The following PRKAR1B variants were observed in gnomAD, a reference collection of about 807,000 sequenced individuals.
PRKAR1B encodes the protein protein kinase cAMP-dependent type I regulatory subunit beta.
PRKAR1B carries 22 observed loss-of-function variants against 46.5 expected under a neutral mutation model. The ratio of observed to expected loss-of-function variants is 0.47; its 90% CI spans 0.34 to 0.68. The LOEUF is 0.68. Ranked by LOEUF, PRKAR1B falls within the 30% of genes least tolerant of loss-of-function variation. PRKAR1B has a pLI of 0.01. For missense variants in PRKAR1B, 445 were observed against 535.6 expected, an observed-to-expected ratio of 0.83 and a Z score of 1.67; for synonymous variants, 259 against 217.7, an observed-to-expected ratio of 1.19 and a Z score of -1.67.
At chr7:551,356 C>A (rs1023139508) in intron 10 of PRKAR1B, 33 bp downstream of exon 10, 2 of 1,544,394 alleles carry the variant, frequency 1.3e-6, no homozygotes, top group African/African-American at 1.4e-5. Flanking sequence ...ATGGCCACAG[C>A]CGTGCGAGGG....
chr7:600,053 G>C (rs1375734577), intron 6 of PRKAR1B, among the ~76,000 whole-genome samples: 1 of 152,262 alleles, frequency 6.6e-6, no homozygotes, highest in Non-Finnish European at 1.5e-5. Flanking sequence ...GGAGGCGCAT[G>C]GGCAGGGAGT....
chr7:695,615 A>G (rs1779687702), intron 2 of PRKAR1B, among the ~76,000 whole-genome samples: 1 of 152,138 alleles, frequency 6.6e-6, no homozygotes, highest in African/African-American at 2.4e-5. Flanking sequence ...GTGACCAAAT[A>G]AAGTGCCTCA....
At chr7:695,957 C>T (rs1458093324) in intron 2 of PRKAR1B, among the ~76,000 whole-genome samples, 2 of 149,638 alleles carry the variant, frequency 1.3e-5, no homozygotes, top group East Asian at 2.0e-4. Context: ...AGCCACTGCG[C>T]CCAACCCTTT....
At chr7:697,071 CT>C (rs1434822057) in intron 2 of PRKAR1B, 1 of 152,246 alleles carries the variant, frequency 6.6e-6, no homozygotes, top group African/African-American at 2.4e-5. Context: ...CCGGGACAGG[CT>C]TTCCAGGCCA....
At chr7:581,257 A>C (rs1233994479) in intron 8 of PRKAR1B, among the ~76,000 whole-genome samples, 2 of 150,152 alleles carry the variant, frequency 1.3e-5, no homozygotes, top group Non-Finnish European at 3.0e-5. Context: ...GAGCCGAGAT[A>C]GCACCACTGA....
Position 685,296 on chromosome 7 carries a change from A to G in PRKAR1B, c.178-4570T>C, listed in dbSNP as rs62432181. On this transcript the variant is annotated intron_variant, in intron 2 of 10. Coordinates refer to ENST00000537384, the MANE Select transcript of PRKAR1B (RefSeq NM_001164760.2). ...TATATATACGTATATATATGTATAC[A>G]TATATATATACGTATATATACGTAT... Among the ~76,000 whole-genome samples, 21 of 6,374 alleles carry G rather than the reference A, an allele frequency of 3.3e-3. 1 individual carries two copies. Among genetic ancestry groups the G allele is most frequent in the African/African-American group, 0.018 (12 of 660 alleles). The allele number at this position is 6,374 out of a possible 152,430, so 4.2% of individuals were successfully genotyped here.
intron 6 of PRKAR1B, among the ~76,000 whole-genome samples, chr7:604,102 A>G (rs1384763831): frequency 7.2e-5 from 11 of 152,130 alleles, no homozygotes; most frequent in Admixed American, 7.2e-4. Flanking sequence ...CTGGGGGCTG[A>G]GCCCCATTCC....
chr7:688,192 G>A (rs913109464), intron 2 of PRKAR1B, among the ~76,000 whole-genome samples: 2 of 151,622 alleles, frequency 1.3e-5, no homozygotes, highest in African/African-American at 4.9e-5. Flanking sequence ...CCTGAGGTCA[G>A]GAGTTCGAGA....
intron 4 of PRKAR1B, among the ~76,000 whole-genome samples, chr7:660,278 G>A (rs1185380396): frequency 6.6e-6 from 1 of 151,960 alleles, no homozygotes; most frequent in East Asian, 1.9e-4. Flanking sequence ...GTCTACCATA[G>A]CTCAATGGGG....
At chr7:660,531 C>G (rs1196664914) in intron 4 of PRKAR1B, among the ~76,000 whole-genome samples, 4 of 107,318 alleles carry the variant, frequency 3.7e-5, no homozygotes, top group Non-Finnish European at 3.9e-5. Context: ...CCCCATGGCA[C>G]AGGTCCCCAC....
intron 4 of PRKAR1B, among the ~76,000 whole-genome samples, chr7:647,665 G>A (rs1156669260): frequency 2.6e-5 from 4 of 151,846 alleles, no homozygotes; most frequent in Non-Finnish European, 2.9e-5. Context: ...AATTAGCCGG[G>A]CGAGGTGGCA....
At chr7:611,195 C>T (rs770973724) in intron 4 of PRKAR1B, among the ~76,000 whole-genome samples, 19 of 152,262 alleles carry the variant, frequency 1.2e-4, no homozygotes, top group Admixed American at 7.8e-4. Flanking sequence ...CGCTCCTCCA[C>T]GGTCTGGCTT....
intron 6 of PRKAR1B, 74 bp from the exon 7 acceptor site, chr7:596,378 C>A: frequency 6.6e-7 from 1 of 1,525,736 alleles, no homozygotes; most frequent in Non-Finnish European, 8.9e-7. Flanking sequence ...TACAGAAAGT[C>A]CCCCTTAGCT....
intron 2 of PRKAR1B, among the ~76,000 whole-genome samples, chr7:698,770 C>A (rs1344565234): frequency 6.6e-6 from 1 of 151,990 alleles, no homozygotes; most frequent in Non-Finnish European, 1.5e-5. Flanking sequence ...GTACCCTCCT[C>A]CTCGGTGGCA....
At chr7:697,707 C>A (rs1180402569) in intron 2 of PRKAR1B, among the ~76,000 whole-genome samples, 2 of 151,716 alleles carry the variant, frequency 1.3e-5, no homozygotes, top group Admixed American at 1.3e-4. Context: ...TCATCCCCAG[C>A]CATGAGGCGG....
At chr7:585,032 G>C (rs896074864) in intron 7 of PRKAR1B, among the ~76,000 whole-genome samples, 2 of 152,142 alleles carry the variant, frequency 1.3e-5, no homozygotes, top group Non-Finnish European at 2.9e-5. Flanking sequence ...GCCTGAAGCT[G>C]CCTCGTTACC....
At chr7:550,706 G>T (rs934178404) in intron 10 of PRKAR1B, 104 bp from the exon 11 acceptor site, 2 of 927,606 alleles carry the variant, frequency 2.2e-6, no homozygotes, top group Admixed American at 3.1e-5. Context: ...TTTAAGGATA[G>T]GATGTGCCAG....
chr7:618,636 G>A (rs1782957340), intron 4 of PRKAR1B, among the ~76,000 whole-genome samples: 1 of 152,148 alleles, frequency 6.6e-6, no homozygotes, highest in African/African-American at 2.4e-5. Context: ...CGTTTTGTTT[G>A]CATTTCCATT....
chr7:694,182 G>A (rs377014321), intron 2 of PRKAR1B, among the ~76,000 whole-genome samples: 127 of 152,266 alleles, frequency 8.3e-4, no homozygotes, highest in African/African-American at 2.9e-3. Flanking sequence ...CTACTCGGGG[G>A]GCTGAGGCAG....
Sources: allele counts gnomAD v4.1 joint callset (sites outside exome capture counted in the v4.1 genomes callset), GRCh38; gene constraint gnomAD v4.1.1; transcripts MANE v1.5; gene names NCBI Gene and HGNC (gene_info 2026-07-23, HGNC 2026-07-21).